Variants in NALF1 observed in about 807,000 individuals in gnomAD.
NALF1 encodes NALCN channel auxiliary factor 1.
NALF1 carries 3 observed loss-of-function variants against 48.4 expected under a neutral mutation model. The observed-to-expected ratio is 0.06, with a 90% CI of 0.03 to 0.16. The LOEUF is 0.16. Among genes scored for constraint, NALF1 ranks in the 10% least tolerant of loss-of-function variants. NALF1 has a pLI of 1.00. For synonymous variants in NALF1, 262 were observed against 245.7 expected (o/e 1.07, Z -0.62); for missense variants, 526 against 571.5 (o/e 0.92, Z 0.81).
chr13:107,311,547 A>G (rs982550370), intron 1 of NALF1, among the ~76,000 whole-genome samples: 2 of 150,594 alleles, frequency 1.3e-5, no homozygotes, highest in Admixed American at 6.6e-5. Flanking sequence ...CATTTATTAA[A>G]TTATATTTAA....
At chr13:107,194,052 CTATCTA>C (rs1008599637) in intron 2 of NALF1, among the ~76,000 whole-genome samples, 2 of 80,484 alleles carry the variant, frequency 2.5e-5, no homozygotes, top group African/African-American at 9.3e-5. Context: ...ATCTATCTAT[CTATCTA>C]TATATCAATC....
At chr13:107,343,379 G>A (rs1271828321) in intron 1 of NALF1, among the ~76,000 whole-genome samples, 6 of 152,176 alleles carry the variant, frequency 3.9e-5, no homozygotes, top group African/African-American at 1.4e-4. Flanking sequence ...CCCAGTGGGA[G>A]GTGATTGAAT....
intron 1 of NALF1, among the ~76,000 whole-genome samples, chr13:107,646,474 A>T (rs1880317468): frequency 6.6e-6 from 1 of 152,082 alleles, no homozygotes; most frequent in South Asian, 2.1e-4. Flanking sequence ...AGAGATGCTG[A>T]TCCCTTCTTT....
At chr13:107,622,478 A>ACC (rs1879549566) in intron 1 of NALF1, among the ~76,000 whole-genome samples, 1 of 151,504 alleles carries the variant, frequency 6.6e-6, no homozygotes, top group Non-Finnish European at 1.5e-5. Flanking sequence ...CAACAAAAAA[A>ACC]AAAAAACAGA....
intron 1 of NALF1, among the ~76,000 whole-genome samples, chr13:107,544,908 T>C (rs1398752810): frequency 1.3e-5 from 2 of 152,094 alleles, no homozygotes; most frequent in African/African-American, 2.4e-5. Context: ...GAGATCACCG[T>C]CCTCTGCAGA....
At chr13:107,257,335 T>G (rs1215977660) in intron 1 of NALF1, among the ~76,000 whole-genome samples, 1 of 152,208 alleles carries the variant, frequency 6.6e-6, no homozygotes, top group Non-Finnish European at 1.5e-5. Flanking sequence ...GTGACTACTG[T>G]GATCTCTCCT....
At chr13:107,422,252 A>G (rs1032587911) in intron 1 of NALF1, among the ~76,000 whole-genome samples, 89 of 152,296 alleles carry the variant, frequency 5.8e-4, no homozygotes, top group African/African-American at 1.9e-3. Flanking sequence ...TGCTGATAAG[A>G]TTGATACAAA....
At chr13:107,610,082 T>C (rs573560175) in intron 1 of NALF1, among the ~76,000 whole-genome samples, 10 of 152,320 alleles carry the variant, frequency 6.6e-5, no homozygotes, top group African/African-American at 2.4e-4. Flanking sequence ...CTCTCAGATT[T>C]ACACAAACGT....
At chr13:107,444,415 AGGGAAGGGGAGTG>A (rs1266958923) in intron 1 of NALF1, among the ~76,000 whole-genome samples, 1 of 152,182 alleles carries the variant, frequency 6.6e-6, no homozygotes, top group Non-Finnish European at 1.5e-5. Flanking sequence ...GCTTTTCTAT[AGGGAAGGGGAGTG>A]GCAACTATGA....
chr13:107,792,730 A>G (rs1357108829), intron 1 of NALF1, among the ~76,000 whole-genome samples: 2 of 152,256 alleles, frequency 1.3e-5, no homozygotes, highest in Non-Finnish European at 2.9e-5. Flanking sequence ...CACACTAACT[A>G]AAGGCTTTGG....
intron 1 of NALF1, among the ~76,000 whole-genome samples, chr13:107,632,178 T>C (rs1566422898): frequency 6.6e-6 from 1 of 152,180 alleles, no homozygotes; most frequent in Non-Finnish European, 1.5e-5. Flanking sequence ...ATCAGCATTT[T>C]AAACGCTCTG....
At chr13:107,614,636 C>T (rs996348523) in intron 1 of NALF1, among the ~76,000 whole-genome samples, 1 of 152,106 alleles carries the variant, frequency 6.6e-6, no homozygotes, top group African/African-American at 2.4e-5. Context: ...CAACTATTCT[C>T]TGGATAAAGA....
chr13:107,461,078 A>AATTTAGAG (rs1884910838), intron 1 of NALF1, among the ~76,000 whole-genome samples: 1 of 152,154 alleles, frequency 6.6e-6, no homozygotes, highest in Non-Finnish European at 1.5e-5. Flanking sequence ...AAAAGACCAA[A>AATTTAGAG]ATTTAGAGAA....
chr13:107,703,806 G>A lies in NALF1; in HGVS notation c.915+161876C>T, dbSNP rs191087567. The stretch of plus-strand genomic sequence containing the variant: ...GGAAACTCTCTTTCCTGCCCTGTCC[G>A]TGAAACCCCCTGTTCCCTACATTTC... On this transcript the variant is annotated intron_variant, in intron 1 of 2. Coordinates refer to ENST00000375915, the MANE Select transcript of NALF1 (RefSeq NM_001080396.3). Among the ~76,000 whole-genome samples, 11 of 152,170 alleles carry A rather than the reference G, an allele frequency of 7.2e-5. No individual in the cohort carries two copies. The South Asian group carries it at 1.2e-3, about 17-fold the overall frequency.
At chr13:107,180,071 G>A (rs895611000) in intron 2 of NALF1, among the ~76,000 whole-genome samples, 3 of 150,412 alleles carry the variant, frequency 2.0e-5, no homozygotes, top group Non-Finnish European at 3.0e-5. Flanking sequence ...TTATATGCTT[G>A]TATCAAAATA....
chr13:107,866,016 T>A lies in NALF1; in HGVS notation c.581A>T (p.Asn194Ile). 1 of 1,611,996 alleles carries A rather than the reference T, an allele frequency of 6.2e-7. No homozygotes were observed. Among genetic ancestry groups the A allele is most frequent in the South Asian group, 1.1e-5 (1 of 91,074 alleles). Residue 194 changes from asparagine to isoleucine, a missense_variant, in exon 1 of 3, where the codon AAC (asparagine) becomes ATC (isoleucine). Physicochemically the swap from Asn to Ile is moderately radical, Grantham distance 149. This residue lies in a region of NALF1 where 373 missense variants were observed against 355.5 expected (regional missense o/e 1.05). Transcript: ENST00000375915. The surrounding 1 kb of genome is among the most constrained non-coding windows in gnomAD (Gnocchi z 4.4). ...VENADAVCARNWSRGAAGGDG... is the reference protein window; with the variant it reads ...VENADAVCARIWSRGAAGGDG... ...CCCCCCGGCCGCCCCCCGACTCCAG[T>A]TCCTGGCGCACACCGCGTCCGCATT...
chr13:107,366,372 G>C (rs1883151796), intron 1 of NALF1, among the ~76,000 whole-genome samples: 1 of 152,080 alleles, frequency 6.6e-6, no homozygotes, highest in Admixed American at 6.6e-5. Context: ...TCTACATTTT[G>C]CTTCCCCTTT....
At chr13:107,197,662 G>C (rs1321377506) in intron 2 of NALF1, among the ~76,000 whole-genome samples, 1 of 152,176 alleles carries the variant, frequency 6.6e-6, no homozygotes, top group Non-Finnish European at 1.5e-5. Flanking sequence ...GCACTCACCT[G>C]CTGGAGTGGG....
chr13:107,743,490 G>T (rs1489070188), intron 1 of NALF1, among the ~76,000 whole-genome samples: 2 of 152,216 alleles, frequency 1.3e-5, no homozygotes, highest in Non-Finnish European at 2.9e-5. Flanking sequence ...ACAAAGCAAG[G>T]GCTGTGGAAA....
Sources: allele counts gnomAD v4.1 joint callset (sites outside exome capture counted in the v4.1 genomes callset), GRCh38; gene constraint gnomAD v4.1.1; regional missense constraint gnomAD v4.1.1; non-coding constraint Gnocchi (gnomAD v3.1); transcripts MANE v1.5; gene names NCBI Gene and HGNC (gene_info 2026-07-23, HGNC 2026-07-21).